Variants in DOCK7 observed in about 807,000 individuals in gnomAD.
The protein encoded by DOCK7 is dedicator of cytokinesis 7, also known as dedicator of cytokinesis protein 7.
DOCK7 carries 138 observed loss-of-function variants against 271.0 expected under a neutral mutation model. The ratio of observed to expected loss-of-function variants is 0.51; its 90% CI spans 0.44 to 0.59. The LOEUF is 0.59. Among genes scored for constraint, DOCK7 ranks in the 20% least tolerant of loss-of-function variants. The pLI is 0.00. For synonymous variants in DOCK7, 823 were observed against 876.1 expected (o/e 0.94, Z 1.07); for missense variants, 2,066 against 2,592.4 (o/e 0.80, Z 4.41).
intron 37 of DOCK7, among the ~76,000 whole-genome samples, chr1:62,497,214 A>G (rs1019544849): frequency 6.6e-6 from 1 of 151,770 alleles, no homozygotes; most frequent in African/African-American, 2.4e-5. Context: ...CTCTTTTTCT[A>G]TTTTATTCCT....
rs1662081957 is a variant in DOCK7 at position 62,688,271 on chromosome 1, T to C, written c.-7A>G. The C allele has an allele frequency of 7.7e-7, 1 of 1,304,806 alleles. No homozygotes were observed. Among genetic ancestry groups the C allele is most frequent in the South Asian group, 2.2e-5 (1 of 45,716 alleles). The allele number at this position is 1,304,806 out of a possible 1,614,324, so 80.8% of individuals were successfully genotyped here. On this transcript the variant is annotated 5_prime_UTR_variant, in exon 1 of 50. Coordinates refer to ENST00000635253, the MANE Select transcript of DOCK7 (RefSeq NM_001367561.1). ...AGGCGCGGCGCTCGGCCATGGCTGC[T>C]GCGGCGACGGCGACGGCGGCGGCGG...
rs767960188 is a variant in DOCK7 at position 62,475,336 on chromosome 1, T to C, written c.5977A>G (p.Ile1993Val). Residue 1993 changes from isoleucine to valine, a missense_variant, in exon 47 of 50, where the codon ATT (isoleucine) becomes GTT (valine). Physicochemically the swap from Ile to Val is conservative, Grantham distance 29. Around this residue, in one of 2 missense-constraint regions of DOCK7, gnomAD observed 652 missense variants for 922.1 expected, o/e 0.71. Coordinates refer to ENST00000635253, the MANE Select transcript of DOCK7 (RefSeq NM_001367561.1). Reference protein sequence around the residue: ...THKEEIILTPIEVAIEDMQKK... With the variant: ...THKEEIILTPVEVAIEDMQKK... ...TGCATGTCCTCAATAGCAACTTCAA[T>C]TGGTGTTAAGATGATCTGAGTAAAA... is the stretch of plus-strand genomic sequence containing the variant. 9 of 1,613,908 alleles carry C rather than the reference T, an allele frequency of 5.6e-6. No individual in the cohort carries two copies. The highest frequency in any genetic ancestry group is 2.2e-5 in the East Asian group (1 of 44,866).
chr1:62,604,375 T>C (rs908541128), intron 14 of DOCK7: 1 of 1,090,694 alleles, frequency 9.2e-7, no homozygotes, highest in Admixed American at 2.5e-5. Context: ...ACCTCTTAAC[T>C]ATAATGAAAG....
chr1:62,603,013 GAC>G (rs1395180213), intron 14 of DOCK7, among the ~76,000 whole-genome samples: 4 of 151,612 alleles, frequency 2.6e-5, no homozygotes, highest in African/African-American at 9.7e-5. Context: ...TAAAGTAGAA[GAC>G]ATTCATTATT....
chr1:62,462,272 G>A (rs1645552523), intron 48 of DOCK7, among the ~76,000 whole-genome samples: 1 of 151,990 alleles, frequency 6.6e-6, no homozygotes, highest in South Asian at 2.1e-4. Flanking sequence ...TATTTTTTGG[G>A]TGCATGGAGT....
intron 39 of DOCK7, 25 bp downstream of exon 39, chr1:62,495,556 C>T: frequency 6.7e-7 from 1 of 1,495,328 alleles, no homozygotes; most frequent in Non-Finnish European, 9.0e-7. Flanking sequence ...TTATACAAAG[C>T]ATAAATGAAT....
chr1:62,606,397 GC>G (rs1423113573), intron 14 of DOCK7, among the ~76,000 whole-genome samples: 1 of 151,048 alleles, frequency 6.6e-6, no homozygotes, highest in Non-Finnish European at 1.5e-5. Context: ...CCCATATAAA[GC>G]TTTTTTCTAC....
chr1:62,665,320 G>A (rs2479464), intron 1 of DOCK7, among the ~76,000 whole-genome samples: 88,071 of 151,932 alleles, frequency 0.58, 27,317 homozygotes, highest in East Asian at 0.76. Context: ...CCTATATAAT[G>A]TGAGTATTCA....
At chr1:62,478,100 G>A in intron 43 of DOCK7, 1 of 290,966 alleles carries the variant, frequency 3.4e-6, no homozygotes, top group Non-Finnish European at 6.3e-6. Flanking sequence ...CTATCACATT[G>A]GTCTATGTTT....
rs1189323101 is a variant in DOCK7, at chr1:62,688,378, T to C, written c.-114A>G. 3.0e-5 allele frequency: 19 copies of C among 631,702 alleles called. No individual in the cohort carries two copies. The East Asian group carries it at 9.8e-4, about 33-fold the overall frequency. 39.1% of individuals were successfully genotyped at this position (631,702 alleles called of 1,614,324 possible). On this transcript the variant is annotated 5_prime_UTR_variant, in exon 1 of 50. Coordinates refer to ENST00000635253, the MANE Select transcript of DOCK7 (RefSeq NM_001367561.1). ...CCTCGCGGCCTCCGCCAGTCCGGGC[T>C]CCGGACCTGGGAGGCTGGGGCTGGC...
At chr1:62,611,291 T>C (rs1427727276) in intron 14 of DOCK7, among the ~76,000 whole-genome samples, 1 of 152,206 alleles carries the variant, frequency 6.6e-6, no homozygotes, top group Non-Finnish European at 1.5e-5. Context: ...TTAAAAACAT[T>C]TAAACATTAC....
chr1:62,655,872 T>C (rs916983095), intron 2 of DOCK7, among the ~76,000 whole-genome samples: 3 of 152,234 alleles, frequency 2.0e-5, no homozygotes, highest in African/African-American at 7.2e-5. Context: ...AATTACTATT[T>C]CAATTCTACA....
intron 15 of DOCK7, among the ~76,000 whole-genome samples, chr1:62,585,230 T>C (rs1037104904): frequency 6.6e-6 from 1 of 152,184 alleles, no homozygotes; most frequent in African/African-American, 2.4e-5. Context: ...GTGCTCACTG[T>C]TGTCAAGGAT....
chr1:62,640,782 T>C (rs1352167157), intron 7 of DOCK7, among the ~76,000 whole-genome samples: 1 of 152,198 alleles, frequency 6.6e-6, no homozygotes, highest in Non-Finnish European at 1.5e-5. Flanking sequence ...AGATGCCCTA[T>C]TCACAAGGTA....
intron 22 of DOCK7, 148 bp from the exon 23 acceptor site, chr1:62,545,187 G>C (rs1314372710): frequency 3.4e-6 from 2 of 585,500 alleles, no homozygotes; most frequent in Admixed American, 6.7e-5. Flanking sequence ...GGCACCTATA[G>C]AGTATTAGTT....
At chr1:62,470,310 C>G (rs1645795152) in intron 48 of DOCK7, among the ~76,000 whole-genome samples, 1 of 152,088 alleles carries the variant, frequency 6.6e-6, no homozygotes, top group Admixed American at 6.5e-5. Flanking sequence ...TGAAGTAACT[C>G]AGGAATGAAA....
intron 49 of DOCK7, 111 bp downstream of exon 49, chr1:62,457,427 G>A (rs1394723025): frequency 9.0e-7 from 1 of 1,106,576 alleles, no homozygotes; most frequent in East Asian, 2.4e-5. Context: ...AACACTTCTG[G>A]TCCTAAGCTT....
chr1:62,584,428 CA>C, intron 15 of DOCK7: 1 of 993,312 alleles, frequency 1.0e-6, no homozygotes, highest in Non-Finnish European at 1.2e-6. Flanking sequence ...AAGGCAAACA[CA>C]GTATGTCTAT....
intron 18 of DOCK7, 78 bp from the exon 19 acceptor site, chr1:62,561,781 C>A (rs529325925): frequency 3.9e-6 from 3 of 766,744 alleles, no homozygotes; most frequent in East Asian, 3.1e-5. Context: ...ATTACAATAT[C>A]CCAATGAGAA....
Sources: allele counts gnomAD v4.1 joint callset (sites outside exome capture counted in the v4.1 genomes callset), GRCh38; gene constraint gnomAD v4.1.1; regional missense constraint gnomAD v4.1.1; transcripts MANE v1.5; gene names NCBI Gene and HGNC (gene_info 2026-07-23, HGNC 2026-07-21).